LPIN1: variants seen among roughly 807,000 people sequenced by gnomAD.
LPIN1 encodes lipin 1, also known as phosphatidate phosphatase LPIN1.
In LPIN1, 71 loss-of-function variants were observed where a neutral mutation model predicts 107.5. The observed-to-expected ratio is 0.66, with a 90% CI of 0.55 to 0.80. The LOEUF (loss-of-function observed/expected upper bound fraction) is 0.80. Ranked by LOEUF, LPIN1 falls within the 30% of genes least tolerant of loss-of-function variation. LPIN1 has a pLI of 0.00. For missense variants in LPIN1, 1,043 were observed against 1,160.6 expected (o/e 0.90, Z 1.47); for synonymous variants, 445 against 452.6 (o/e 0.98, Z 0.21).
At chr2:11,802,016 T>C (rs1418004042) in intron 14 of LPIN1, among the ~76,000 whole-genome samples, 3 of 152,112 alleles carry the variant, frequency 2.0e-5, no homozygotes, top group African/African-American at 7.2e-5. Context: ...CCAGAGGCTT[T>C]GTAGGAAGGC....
At chr2:11,744,815 G>A (rs142846190), upstream of LPIN1, among the ~76,000 whole-genome samples, 47 of 152,266 alleles carry the variant, frequency 3.1e-4, no homozygotes, top group East Asian at 6.6e-3. Flanking sequence ...TTGGGCAGCC[G>A]TGATGCACTT....
rs768423865 is a variant in LPIN1 at position 11,788,399 on chromosome 2, G to C, written c.1656G>C (p.Trp552Cys). The change falls in exon 12 of 21, where the codon TGG becomes TGC. Residue 552 changes from tryptophan (W) to cysteine (C), a missense_variant. By Grantham distance (215) the Trp-to-Cys change is radical (BLOSUM62 -2). Transcript: ENST00000674199. ...VVKIGSKYYN[W>C]TTAAPLLLAM... ...TGTTTTGTGTTAGATATTATAACTG[G>C]ACAACAGCAGCACCCCTCCTCCTGG... 6.2e-7 allele frequency: 1 copy of C among 1,613,480 alleles called. No homozygotes were observed. Among genetic ancestry groups the C allele is most frequent in the African/African-American group, 1.3e-5 (1 of 74,894 alleles).
chr2:11,741,244 G>C (rs1666334096), intron 1 of LPIN1: 3 of 729,796 alleles, frequency 4.1e-6, no homozygotes, highest in Non-Finnish European at 6.6e-6. Context: ...TCCCTAAGTT[G>C]CTGGGTTAAC....
At chr2:11,738,377 G>A (rs796067697) in intron 1 of LPIN1, among the ~76,000 whole-genome samples, 1 of 145,286 alleles carries the variant, frequency 6.9e-6, no homozygotes, top group Non-Finnish European at 1.5e-5. Flanking sequence ...CACAACTTAA[G>A]GTATAATTAA....
intron 1 of LPIN1, among the ~76,000 whole-genome samples, chr2:11,757,514 T>C (rs1381869239): frequency 6.6e-6 from 1 of 152,202 alleles, no homozygotes; most frequent in East Asian, 1.9e-4. Context: ...TTTATTCTTG[T>C]ATTCTTTAAA....
At chr2:11,785,211 C>T (rs1674340790) in intron 10 of LPIN1, 135 bp downstream of exon 10, 1 of 660,190 alleles carries the variant, frequency 1.5e-6, no homozygotes, top group Admixed American at 3.0e-5. Context: ...ATGATAGCAC[C>T]GAACTCATAA....
intron 1 of LPIN1, among the ~76,000 whole-genome samples, chr2:11,735,063 G>A (rs1240763131): frequency 6.6e-6 from 1 of 151,942 alleles, no homozygotes; most frequent in East Asian, 1.9e-4. Context: ...AGGCCGAGGC[G>A]GGCAGATTAC....
intron 1 of LPIN1, among the ~76,000 whole-genome samples, chr2:11,737,523 T>TA (rs1350135867): frequency 1.3e-5 from 2 of 151,982 alleles, no homozygotes; most frequent in Non-Finnish European, 2.9e-5. Context: ...AAAAGGAACT[T>TA]AAACAAATTT....
intron 1 of LPIN1, among the ~76,000 whole-genome samples, chr2:11,757,684 G>T (rs907464993): frequency 7.9e-5 from 12 of 152,044 alleles, no homozygotes; most frequent in Non-Finnish European, 1.3e-4. Context: ...CGTGCCTCCT[G>T]GGGGAGGGAT....
intron 1 of LPIN1, chr2:11,677,845 C>A: frequency 1.1e-6 from 1 of 890,396 alleles, no homozygotes; most frequent in South Asian, 1.6e-5. Flanking sequence ...GCGCCTTGTT[C>A]GGGATGGGTT....
At chr2:11,758,089 T>C (rs1188572911) in intron 1 of LPIN1, among the ~76,000 whole-genome samples, 2 of 152,234 alleles carry the variant, frequency 1.3e-5, no homozygotes, top group African/African-American at 2.4e-5. Flanking sequence ...CACAGTAGCA[T>C]GTATCAGAAT....
intron 14 of LPIN1, 68 bp from the exon 15 acceptor site, chr2:11,802,839 G>A: frequency 6.3e-7 from 1 of 1,575,416 alleles, no homozygotes; most frequent in Non-Finnish European, 8.7e-7. Context: ...TTGATTAAAG[G>A]CTAATGCATT....
At chr2:11,696,313 G>C (rs13406650) in intron 1 of LPIN1, among the ~76,000 whole-genome samples, 1 of 151,704 alleles carries the variant, frequency 6.6e-6, no homozygotes, top group Non-Finnish European at 1.5e-5. Context: ...GCTGACTCTC[G>C]AATGAGCTGC....
At chr2:11,712,342 G>T (rs1558740745) in intron 1 of LPIN1, among the ~76,000 whole-genome samples, 1 of 152,156 alleles carries the variant, frequency 6.6e-6, no homozygotes, top group Non-Finnish European at 1.5e-5. Context: ...CCTGCAGAAG[G>T]CACGAACCTT....
chr2:11,683,792 G>A (rs746715724), intron 1 of LPIN1, among the ~76,000 whole-genome samples: 4 of 152,232 alleles, frequency 2.6e-5, no homozygotes, highest in Non-Finnish European at 5.9e-5. Flanking sequence ...GGAAGGGACA[G>A]GTGTGGTGAA....
intron 12 of LPIN1, among the ~76,000 whole-genome samples, chr2:11,790,883 G>A (rs1414646501): frequency 1.3e-5 from 2 of 152,036 alleles, no homozygotes; most frequent in African/African-American, 4.8e-5. Flanking sequence ...AATTTTCTGG[G>A]CTATTTTTGT....
chr2:11,799,416 A>C (rs1279384984), intron 14 of LPIN1, among the ~76,000 whole-genome samples: 1 of 132,524 alleles, frequency 7.5e-6, no homozygotes, highest in African/African-American at 3.3e-5. Context: ...TTTCCCATTC[A>C]ATGAGGGGCC....
intron 1 of LPIN1, among the ~76,000 whole-genome samples, chr2:11,760,128 C>T (rs1195796242): frequency 1.3e-5 from 2 of 150,468 alleles, no homozygotes; most frequent in Admixed American, 6.6e-5. Context: ...GATGGGCGGC[C>T]GGGCAGAGAT....
intron 1 of LPIN1, among the ~76,000 whole-genome samples, chr2:11,692,152 T>G (rs552322099): frequency 1.4e-4 from 21 of 152,360 alleles, no homozygotes; most frequent in African/African-American, 5.1e-4. Context: ...GAACATACCT[T>G]GCTGTGCATC....
Sources: allele counts gnomAD v4.1 joint callset (sites outside exome capture counted in the v4.1 genomes callset), GRCh38; gene constraint gnomAD v4.1.1; transcripts MANE v1.5; gene names NCBI Gene and HGNC (gene_info 2026-07-23, HGNC 2026-07-21).